The following CKAP5 variants were observed in gnomAD, a reference collection of about 807,000 sequenced individuals.
The protein encoded by CKAP5 is cytoskeleton associated protein 5, also known as cytoskeleton-associated protein 5.
A neutral mutation model predicts 232.8 loss-of-function variants in CKAP5; 27 were observed. The observed-to-expected ratio is 0.12, with a 90% CI of 0.09 to 0.16. The LOEUF (loss-of-function observed/expected upper bound fraction) is 0.16, where lower values mean the gene tolerates loss of function less well. CKAP5 is among the 10% of genes least tolerant of loss of function. The probability of loss-of-function intolerance (pLI) is 1.00; values close to 1 mark genes in which losing one functional copy is unlikely to be tolerated. For missense variants in CKAP5, 1,838 were observed against 2,424.7 expected, an observed-to-expected ratio of 0.76 and a Z score of 5.08; for synonymous variants, 785 against 841.1, an observed-to-expected ratio of 0.93 and a Z score of 1.16.
intron 24 of CKAP5, 152 bp downstream of exon 24, chr11:46,776,103 G>T: frequency 1.8e-6 from 1 of 543,012 alleles, no homozygotes; most frequent in Non-Finnish European, 2.9e-6. Flanking sequence ...GGAAGCACAT[G>T]AATACAAAGG....
At chr11:46,782,273 G>C (rs982992360) in intron 18 of CKAP5, among the ~76,000 whole-genome samples, 1 of 152,078 alleles carries the variant, frequency 6.6e-6, no homozygotes, top group African/African-American at 2.4e-5. Context: ...CAAACAATTG[G>C]AACATTGTAG....
intron 15 of CKAP5, 50 bp from the exon 16 acceptor site, chr11:46,788,823 AAAGG>A (rs746978874): frequency 7.6e-7 from 1 of 1,324,300 alleles, no homozygotes; most frequent in South Asian, 1.2e-5. Context: ...GGTTACTTCC[AAAGG>A]AAGAGTAAAT....
chr11:46,755,258 G>A (rs1233664567), intron 35 of CKAP5, among the ~76,000 whole-genome samples, 191 bp from the exon 36 acceptor site: 1 of 152,026 alleles, frequency 6.6e-6, no homozygotes, highest in African/African-American at 2.4e-5. Flanking sequence ...CTTTCACCCA[G>A]GCTGGTGTGC....
rs1367180243 is a variant in CKAP5 at position 46,770,845 on chromosome 11, T to C, written c.3129A>G (p.Pro1043=). Residue 1043 remains proline, a synonymous_variant, in exon 25 of 44, where the codon CCA becomes CCG. Transcript: ENST00000529230. ...DVRKKAQDAL[P]FFMMHLGYEK... Reference sequence around the variant, plus strand: ...CATATCCTAAATGCATCATGAAGAATGGCAAGGCATCTTGGGCCTTCTTTC... The same window carrying C: ...CATATCCTAAATGCATCATGAAGAACGGCAAGGCATCTTGGGCCTTCTTTC... 2 of 1,614,182 alleles carry C rather than the reference T, an allele frequency of 1.2e-6. No individual in the cohort carries two copies. The highest frequency in any genetic ancestry group is 1.1e-5 in the South Asian group (1 of 91,090).
Position 46,784,485 on chromosome 11 carries a change from A to T in CKAP5, c.2154+3T>A. The stretch of plus-strand genomic sequence containing the variant: ...AGAGGAATAAGACTTCTGTGTCACT[A>T]ACCTGTTCAGCAGTCCATGGTAACA... On this transcript the variant is annotated splice_donor_region_variant and intron_variant, in intron 17 of 43. Coordinates refer to ENST00000529230, the MANE Select transcript of CKAP5 (RefSeq NM_001008938.4). 1 of 1,609,630 alleles carries T rather than the reference A, an allele frequency of 6.2e-7. No homozygotes were observed. The highest frequency in any genetic ancestry group is 8.5e-7 in the Non-Finnish European group (1 of 1,177,476).
At chr11:46,793,855 G>T (rs1938800873) in intron 13 of CKAP5, among the ~76,000 whole-genome samples, 1 of 152,002 alleles carries the variant, frequency 6.6e-6, no homozygotes, top group Admixed American at 6.6e-5. Flanking sequence ...TGAACCTAGG[G>T]GGTGGAGGTT....
At chr11:46,822,674 C>T (rs959437418) in intron 1 of CKAP5, among the ~76,000 whole-genome samples, 13 of 149,582 alleles carry the variant, frequency 8.7e-5, no homozygotes, top group African/African-American at 3.2e-4. Context: ...TGGCGTGAAC[C>T]CGAGAGGCGG....
At chr11:46,825,039 T>C (rs910600682) in intron 1 of CKAP5, among the ~76,000 whole-genome samples, 5 of 152,216 alleles carry the variant, frequency 3.3e-5, no homozygotes, top group Non-Finnish European at 5.9e-5. Context: ...ATTATAATCA[T>C]ATACCACTGA....
At chr11:46,807,703 T>C (rs2134668006) in intron 8 of CKAP5, among the ~76,000 whole-genome samples, 1 of 152,348 alleles carries the variant, frequency 6.6e-6, no homozygotes, top group South Asian at 2.1e-4. Context: ...ATTTGTCCAA[T>C]TAAATACAGC....
At position 46,744,203 on chromosome 11, in the gene CKAP5, A is replaced by T. The variant is rs1358680383; in HGVS notation, c.5919T>A (p.Ser1973=). ...LSKPAVPTVA[S]STDMLHSKLS... is the part of the protein sequence containing the mutation. ...GTTTGCTGTGGAGCATGTCTGTGGA[A>T]GAGGCGACAGTAGGAACTGCTGGTT... Residue 1973 remains serine (S), a synonymous_variant, in exon 44 of 44, where the codon TCT becomes TCA. Coordinates refer to ENST00000529230, the MANE Select transcript of CKAP5 (RefSeq NM_001008938.4). 6.2e-7 allele frequency: 1 copy of T among 1,614,148 alleles called. No individual in the cohort carries two copies. The highest frequency in any genetic ancestry group is 1.1e-5 in the South Asian group (1 of 91,076).
chr11:46,840,164 G>T (rs1940016284), intron 1 of CKAP5, among the ~76,000 whole-genome samples: 1 of 151,982 alleles, frequency 6.6e-6, no homozygotes, highest in South Asian at 2.1e-4. Context: ...CAAAATGTGG[G>T]ACCCAGTAGG....
chr11:46,765,271 C>G lies in CKAP5; in HGVS notation c.3412-15G>C. 1 of 1,593,932 alleles carries G rather than the reference C, an allele frequency of 6.3e-7. No individual in the cohort carries two copies. Among genetic ancestry groups the G allele is most frequent in the Non-Finnish European group, 8.5e-7 (1 of 1,171,222 alleles). On this transcript the variant is annotated splice_polypyrimidine_tract_variant and intron_variant, in intron 27 of 43. Transcript: ENST00000529230. Reference sequence around the variant, plus strand: ...CCTTGTGCACTCTACAACCAAGGTTCAGGGAATACTGATTAGCTTGGCCAC... The same window carrying G: ...CCTTGTGCACTCTACAACCAAGGTTGAGGGAATACTGATTAGCTTGGCCAC...
intron 1 of CKAP5, among the ~76,000 whole-genome samples, chr11:46,826,161 A>G (rs1939646817): frequency 6.6e-6 from 1 of 152,124 alleles, no homozygotes. Context: ...AGAGATGGAG[A>G]GGGGTAAAGA....
Position 46,816,101 on chromosome 11 carries a change from T to C in CKAP5, c.458+97A>G, listed in dbSNP as rs1055979552. ...CCCCCCCATCCCCCCAACACACAAT[T>C]CTTCCATGGAAAAATTGTCTTCCAT... On this transcript the variant is annotated intron_variant, in intron 4 of 43. Transcript: ENST00000529230. 1.1e-4 allele frequency: 109 copies of C among 965,782 alleles called. No homozygotes were observed. The South Asian group carries it at 1.6e-3, about 14-fold the overall frequency. The allele number at this position is 965,782 out of a possible 1,614,324, so 59.8% of individuals were successfully genotyped here.
At chr11:46,833,444 C>T (rs376640688) in intron 1 of CKAP5, among the ~76,000 whole-genome samples, 1 of 151,876 alleles carries the variant, frequency 6.6e-6, no homozygotes, top group African/African-American at 2.4e-5. Flanking sequence ...ACTCAGTAAA[C>T]CACAGCTATC....
chr11:46,760,359 A>G, intron 33 of CKAP5: 1 of 634,082 alleles, frequency 1.6e-6, no homozygotes, highest in East Asian at 3.2e-5. Flanking sequence ...TACATCCTAT[A>G]AGTGCGATAC....
At chr11:46,746,522 C>A (rs2065023457) in intron 42 of CKAP5, among the ~76,000 whole-genome samples, 1 of 152,200 alleles carries the variant, frequency 6.6e-6, no homozygotes, top group Admixed American at 6.5e-5. Context: ...ACCTAGGCTA[C>A]AAGCCTGTAC....
intron 36 of CKAP5, 30 bp from the exon 37 acceptor site, chr11:46,753,527 G>A (rs773290739): frequency 4.6e-6 from 7 of 1,525,566 alleles, no homozygotes; most frequent in Middle Eastern, 1.8e-4. Context: ...TCAGGGAGGT[G>A]TAAAACTCAA....
At position 46,778,496 on chromosome 11, in the gene CKAP5, T is replaced by C. The variant is rs111622030; in HGVS notation, c.2537A>G (p.Asn846Ser). 2.4e-5 allele frequency: 39 copies of C among 1,614,124 alleles called. No individual in the cohort carries two copies. In the African/African-American group the frequency reaches 2.9e-4, roughly 12 times the overall value. Residue 846 changes from asparagine to serine, a missense_variant, in exon 21 of 44, where the codon AAT becomes AGT. Asn to Ser is a conservative substitution (Grantham distance 46, BLOSUM62 1). This residue lies in a region of CKAP5 where 767 missense variants were observed against 954.6 expected (regional missense o/e 0.80). Coordinates refer to ENST00000529230, the MANE Select transcript of CKAP5 (RefSeq NM_001008938.4). ...CCTCGGCAAAAGATCAACGACATCA[T>C]TGCTCCCGTCATCTGGTTCATCTCC... ...EDGDEPDDGS[N>S]DVVDLLPRTE...
Sources: gnomAD v4.1 joint callset for allele counts (sites outside exome capture counted in the v4.1 genomes callset) on GRCh38, gnomAD v4.1.1 for gene constraint, gnomAD v4.1.1 regional missense constraint, MANE v1.5 for transcripts, NCBI Gene and HGNC (gene_info 2026-07-23, HGNC 2026-07-21) for gene names.